The following PAAF1 variants were observed in gnomAD, a reference collection of about 807,000 sequenced individuals.
PAAF1 encodes the protein proteasomal ATPase-associated factor 1.
PAAF1 carries 46 observed loss-of-function variants against 52.8 expected under a neutral mutation model. The observed-to-expected ratio is 0.87, with a 90% CI of 0.69 to 1.11. The LOEUF (loss-of-function observed/expected upper bound fraction) is 1.11. PAAF1 is among the 50% of genes most tolerant of loss of function. PAAF1 has a pLI of 0.00. For synonymous variants in PAAF1, 178 were observed against 172.8 expected, an observed-to-expected ratio of 1.03 and a Z score of -0.24; for missense variants, 424 against 477.4, an observed-to-expected ratio of 0.89 and a Z score of 1.04.
At chr11:73,914,297 CT>C (rs1397232304) in intron 7 of PAAF1, 115 bp from the exon 8 acceptor site, 1 of 794,874 alleles carries the variant, frequency 1.3e-6, no homozygotes, top group African/African-American at 1.7e-5. Context: ...TAAATGTTTT[CT>C]TTGTAATAAG....
chr11:73,921,640 G>A (rs1950222599), intron 10 of PAAF1: 4 of 686,322 alleles, frequency 5.8e-6, no homozygotes. Flanking sequence ...GGAGATGGTG[G>A]CTGCCCGTGC....
intron 4 of PAAF1, among the ~76,000 whole-genome samples, chr11:73,892,061 G>A (rs1055967661): frequency 1.3e-5 from 2 of 152,020 alleles, no homozygotes; most frequent in African/African-American, 4.8e-5. Flanking sequence ...AGTGGCTCAT[G>A]CCCGTAATCC....
Position 73,927,373 on chromosome 11 carries a change from A to C in PAAF1, c.*11A>C. The C allele has an allele frequency of 6.2e-7, 1 of 1,609,782 alleles. No homozygotes were observed. Among genetic ancestry groups the C allele is most frequent in the South Asian group, 1.1e-5 (1 of 90,964 alleles). On this transcript the variant is annotated 3_prime_UTR_variant, in exon 12 of 12. Transcript: ENST00000310571. ...CTTTCTGACCTCTGACTTCTTGGAAAGAGCAGTCCCGGTTAGTGAAAAGGT... is the reference window on the plus strand; with the variant it reads ...CTTTCTGACCTCTGACTTCTTGGAACGAGCAGTCCCGGTTAGTGAAAAGGT...
chr11:73,886,116 G>T (rs537715051), intron 2 of PAAF1, among the ~76,000 whole-genome samples: 14 of 152,132 alleles, frequency 9.2e-5, no homozygotes, highest in Admixed American at 9.2e-4. Context: ...TTATGTGTAG[G>T]ATAGTATCTT....
intron 2 of PAAF1, among the ~76,000 whole-genome samples, chr11:73,881,773 C>G (rs1302190707): frequency 6.6e-6 from 1 of 152,098 alleles, no homozygotes; most frequent in Non-Finnish European, 1.5e-5. Context: ...GTGGTGCAAT[C>G]TTGGCTCACT....
intron 2 of PAAF1, among the ~76,000 whole-genome samples, chr11:73,883,653 A>T (rs2135129411): frequency 6.6e-6 from 1 of 152,024 alleles, no homozygotes; most frequent in African/African-American, 2.4e-5. Context: ...AGTAGTTGGG[A>T]TTACAGGCGC....
At chr11:73,894,537 C>T (rs35066247) in intron 4 of PAAF1, among the ~76,000 whole-genome samples, 8,906 of 151,838 alleles carry the variant, frequency 0.059, 290 homozygotes, top group Middle Eastern at 0.11. Context: ...TGTTAAATGA[C>T]GAGTTAATGG....
At chr11:73,897,796 C>A (rs982398173) in intron 4 of PAAF1, among the ~76,000 whole-genome samples, 2 of 152,160 alleles carry the variant, frequency 1.3e-5, no homozygotes, top group African/African-American at 4.8e-5. Flanking sequence ...CGGGCAGAGG[C>A]TGCAATCTCG....
intron 4 of PAAF1, among the ~76,000 whole-genome samples, chr11:73,893,622 A>G (rs1477659574): frequency 6.6e-6 from 1 of 150,906 alleles, no homozygotes; most frequent in East Asian, 2.0e-4. Context: ...CTATAATCCC[A>G]GCTACTCGGG....
chr11:73,920,924 T>C (rs1181024981), intron 10 of PAAF1, among the ~76,000 whole-genome samples: 2 of 152,064 alleles, frequency 1.3e-5, no homozygotes, highest in Admixed American at 6.6e-5. Flanking sequence ...CCCAGCACTT[T>C]GGGAGGCCAA....
At chr11:73,889,909 C>T (rs538519945) in intron 3 of PAAF1, among the ~76,000 whole-genome samples, 2 of 152,158 alleles carry the variant, frequency 1.3e-5, no homozygotes, top group South Asian at 2.1e-4. Flanking sequence ...TGTAGATAGT[C>T]TAATTGTCAT....
At position 73,927,436 on chromosome 11, in the gene PAAF1, C is replaced by G; in HGVS notation, c.*74C>G. The G allele has an allele frequency of 7.9e-7, 1 of 1,259,150 alleles. No individual in the cohort carries two copies. The highest frequency in any genetic ancestry group is 2.3e-5 in the East Asian group (1 of 42,586). 78.0% of individuals were successfully genotyped at this position (1,259,150 alleles called of 1,614,324 possible). A position where few individuals can be genotyped will look rare whatever the true frequency, so the allele number is the denominator to read the frequency against. ...AACAATGAGCAGAAACATCATCAGT[C>G]CTTCCCAAGGACCATGGCGTTTAAT... On this transcript the variant is annotated 3_prime_UTR_variant, in exon 12 of 12. Transcript: ENST00000310571.
At chr11:73,900,749 G>T (rs1474628821) in intron 6 of PAAF1, among the ~76,000 whole-genome samples, 1 of 152,020 alleles carries the variant, frequency 6.6e-6, no homozygotes, top group Non-Finnish European at 1.5e-5. Flanking sequence ...TTGGGAGGCC[G>T]AGGCGGGCGG....
chr11:73,909,776 G>A lies in PAAF1; in HGVS notation c.727+183G>A, dbSNP rs542618471. Among the ~76,000 whole-genome samples, 11 of 152,236 alleles carry A rather than the reference G, an allele frequency of 7.2e-5. No homozygotes were observed. In the South Asian group the frequency reaches 2.3e-3, roughly 32 times the overall value. On this transcript the variant is annotated intron_variant, in intron 7 of 11. Transcript: ENST00000310571. ...TATTACTTTGGAATCTACAAAGGAA[G>A]TATATGTCATAGCACTGCGTTTCAG...
At chr11:73,902,325 C>T (rs983614382) in intron 6 of PAAF1, among the ~76,000 whole-genome samples, 2 of 152,168 alleles carry the variant, frequency 1.3e-5, no homozygotes, top group African/African-American at 4.8e-5. Context: ...GCCTTCCTTA[C>T]ATTACTGAAG....
chr11:73,877,468 C>T (rs1051264057), intron 1 of PAAF1, among the ~76,000 whole-genome samples: 2 of 152,186 alleles, frequency 1.3e-5, no homozygotes, highest in African/African-American at 4.8e-5. Context: ...GCCCCTAATG[C>T]TATATTAGGC....
At chr11:73,878,748 A>G (rs1172708410) in intron 1 of PAAF1, 31 bp from the exon 2 acceptor site, 1 of 1,610,086 alleles carries the variant, frequency 6.2e-7, no homozygotes, top group East Asian at 2.2e-5. Context: ...ACTTTGGGTA[A>G]GCCTAATTAG....
chr11:73,888,663 T>G (rs1949124240), intron 3 of PAAF1: 1 of 158,728 alleles, frequency 6.3e-6, no homozygotes, highest in South Asian at 2.0e-4. Context: ...AAATGTTCAT[T>G]CATTACTCTC....
intron 6 of PAAF1, among the ~76,000 whole-genome samples, chr11:73,904,851 T>C (rs78236555): frequency 0.01 from 1,589 of 152,346 alleles, 32 homozygotes; most frequent in African/African-American, 0.035. Context: ...ATTTCCAGAC[T>C]TTGGCTGGGA....
Sources: allele counts gnomAD v4.1 joint callset (sites outside exome capture counted in the v4.1 genomes callset), GRCh38; gene constraint gnomAD v4.1.1; transcripts MANE v1.5; gene names NCBI Gene and HGNC (gene_info 2026-07-23, HGNC 2026-07-21).